The following LAMA5 variants were observed in gnomAD, a reference collection of about 807,000 sequenced individuals.
LAMA5 encodes laminin subunit alpha-5.
LAMA5 carries 260 observed loss-of-function variants against 433.4 expected under a neutral mutation model. The observed-to-expected ratio is 0.60, with a 90% CI of 0.54 to 0.66. The LOEUF (loss-of-function observed/expected upper bound fraction) is 0.66. LAMA5 is among the 30% of genes least tolerant of loss of function. The probability of loss-of-function intolerance (pLI) is 0.00; values close to 1 mark genes in which losing one functional copy is unlikely to be tolerated. For missense variants in LAMA5, 5,378 were observed against 5,258.5 expected, an observed-to-expected ratio of 1.02 and a Z score of -0.70; for synonymous variants, 2,620 against 2,226.6, an observed-to-expected ratio of 1.18 and a Z score of -4.97.
intron 45 of LAMA5, 45 bp from the exon 46 acceptor site, chr20:62,322,803 C>T: frequency 7.8e-7 from 1 of 1,280,118 alleles, no homozygotes; most frequent in Non-Finnish European, 1.0e-6. Flanking sequence ...CTCTCACCCC[C>T]CCAGGGAGCC....
At chr20:62,310,602 G>A in intron 75 of LAMA5, 30 bp from the exon 76 acceptor site, 3 of 1,576,392 alleles carry the variant, frequency 1.9e-6, no homozygotes, top group Non-Finnish European at 2.6e-6. Flanking sequence ...AGGGATCAGG[G>A]CCCAGGGCAG....
chr20:62,331,870 G>A (rs991353654), intron 28 of LAMA5, among the ~76,000 whole-genome samples: 2 of 152,158 alleles, frequency 1.3e-5, no homozygotes, highest in Admixed American at 6.5e-5. Flanking sequence ...TGGCCAATAT[G>A]GTGAAACCCT....
chr20:62,340,466 C>A lies in LAMA5; in HGVS notation c.1478-1858G>T, dbSNP rs549697773. Among the ~76,000 whole-genome samples the A allele has an allele frequency of 4.6e-5, 7 of 151,976 alleles. No homozygotes were observed. In the South Asian group the frequency reaches 1.5e-3, roughly 32 times the overall value. ...AGCTGGGATTACAGGCATGCGCCAC[C>A]ATGCACAGCTTATTTTGTATTTTTA... On this transcript the variant is annotated intron_variant, in intron 11 of 79. Transcript: ENST00000252999.
Position 62,333,083 on chromosome 20 carries a change from C to T in LAMA5, c.3282+7G>A, listed in dbSNP as rs747240109. ...CCCATTGCTCCGTGGGGTCCCAGGA[C>T]ACGCACATCACTGCCCGTGCAGGTG... On this transcript the variant is annotated splice_region_variant and intron_variant, in intron 26 of 79. Transcript: ENST00000252999. 2 of 1,496,798 alleles carry T rather than the reference C, an allele frequency of 1.3e-6. No homozygotes were observed. Among genetic ancestry groups the T allele is most frequent in the South Asian group, 1.4e-5 (1 of 72,652 alleles). 92.7% of individuals were successfully genotyped at this position (1,496,798 alleles called of 1,614,324 possible). A position where few individuals can be genotyped will look rare whatever the true frequency, so the allele number is the denominator to read the frequency against.
intron 57 of LAMA5, 71 bp downstream of exon 57, chr20:62,316,600 G>C: frequency 8.2e-7 from 1 of 1,217,702 alleles, no homozygotes; most frequent in Non-Finnish European, 1.1e-6. Flanking sequence ...GCATGTGGCT[G>C]GGGGCTGAGG....
chr20:62,314,308 C>T lies in LAMA5; in HGVS notation c.8500G>A (p.Asp2834Asn). 4 of 1,613,008 alleles carry T rather than the reference C, an allele frequency of 2.5e-6. No homozygotes were observed. The highest frequency in any genetic ancestry group is 3.4e-6 in the Non-Finnish European group (4 of 1,179,758). The change falls in exon 62 of 80, where the codon GAC becomes AAC. Residue 2834 changes from aspartate (D) to asparagine (N), a missense_variant. Physicochemically the swap from Asp to Asn is conservative, Grantham distance 23. Transcript: ENST00000252999. Reference protein sequence around the residue: ...IGEQFAAVSLDRTLQFGHMSV... With the variant: ...IGEQFAAVSLNRTLQFGHMSV... ...CCTCTCTCCTGGGCCTCCCACCTGT[C>T]CAGGCTGACAGCTGCGAACTGCTCC...
chr20:62,335,176 G>A (rs1319230847), intron 19 of LAMA5, 41 bp downstream of exon 19: 5 of 1,612,398 alleles, frequency 3.1e-6, no homozygotes, highest in Non-Finnish European at 4.2e-6. Context: ...GTCCTGACCA[G>A]TGTGCCCCCA....
chr20:62,344,828 G>T (rs1425118322), intron 11 of LAMA5, among the ~76,000 whole-genome samples: 2 of 151,960 alleles, frequency 1.3e-5, no homozygotes, highest in African/African-American at 4.8e-5. Flanking sequence ...ACCACTGGGG[G>T]TTGTTTAAAT....
At chr20:62,335,591 C>G (rs973039437) in intron 18 of LAMA5, among the ~76,000 whole-genome samples, 5 of 149,030 alleles carry the variant, frequency 3.4e-5, no homozygotes, top group African/African-American at 1.2e-4. Flanking sequence ...AACACTCCCT[C>G]CAGGACACCC....
At chr20:62,350,433 G>A (rs1020279269) in intron 6 of LAMA5, among the ~76,000 whole-genome samples, 74 of 152,230 alleles carry the variant, frequency 4.9e-4, no homozygotes, top group African/African-American at 1.5e-3. Flanking sequence ...AGCCACATCC[G>A]AAGGGGCCCA....
intron 40 of LAMA5, 185 bp downstream of exon 40, chr20:62,326,492 A>G: frequency 1.7e-6 from 1 of 577,872 alleles, no homozygotes. Context: ...GACACCCCCC[A>G]GGGTGACCAG....
At chr20:62,339,697 AAG>A (rs1177096279) in intron 11 of LAMA5, among the ~76,000 whole-genome samples, 2 of 151,998 alleles carry the variant, frequency 1.3e-5, no homozygotes, top group African/African-American at 2.4e-5. Flanking sequence ...AGAACACAGA[AAG>A]AGAGCTTGCA....
chr20:62,311,877 T>C (rs1601276636), intron 70 of LAMA5, 43 bp downstream of exon 70: 1 of 1,330,870 alleles, frequency 7.5e-7, no homozygotes, highest in East Asian at 4.5e-5. Flanking sequence ...CAGGCGGGCG[T>C]CCCTCCAGAC....
intron 53 of LAMA5, 70 bp from the exon 54 acceptor site, chr20:62,317,848 C>T: frequency 1.9e-6 from 1 of 518,354 alleles, no homozygotes; most frequent in Non-Finnish European, 2.8e-6. Context: ...ATGGGGTGGA[C>T]AGCAGGGCAG....
intron 58 of LAMA5, among the ~76,000 whole-genome samples, chr20:62,315,703 C>A (rs1363942096): frequency 6.6e-6 from 1 of 152,198 alleles, no homozygotes; most frequent in African/African-American, 2.4e-5. Context: ...ACAGCCCTCC[C>A]ACCTATAACT....
At chr20:62,312,804 G>A in intron 66 of LAMA5, 24 bp from the exon 67 acceptor site, 1 of 1,597,866 alleles carries the variant, frequency 6.3e-7, no homozygotes, top group South Asian at 1.1e-5. Flanking sequence ...GGGGGCTCCA[G>A]GGCCAGCTGT....
At chr20:62,319,126 G>T (rs1024402459) in intron 51 of LAMA5, 113 bp from the exon 52 acceptor site, 1 of 1,179,618 alleles carries the variant, frequency 8.5e-7, no homozygotes. Context: ...CCAGGGGCCC[G>T]GAACCTGAGC....
rs376081597 is a variant in LAMA5, at chr20:62,314,957, G to T, written c.8048-10C>A. On this transcript the variant is annotated splice_polypyrimidine_tract_variant and intron_variant, in intron 59 of 79. Transcript: ENST00000252999. ...TTCTCCAGGGTGGACACTGCAGAGA[G>T]GGAGACCTGAGACCTTTGCCCCCCA... 5.0e-6 allele frequency: 8 copies of T among 1,590,642 alleles called. No homozygotes were observed. The highest frequency in any genetic ancestry group is 1.7e-5 in the Admixed American group (1 of 59,228).
chr20:62,358,269 G>T (rs775884604), intron 2 of LAMA5, among the ~76,000 whole-genome samples: 1 of 152,158 alleles, frequency 6.6e-6, no homozygotes, highest in African/African-American at 2.4e-5. Flanking sequence ...GTAGAGGGAG[G>T]GTTTTGCCGT....
Sources: allele counts gnomAD v4.1 joint callset (sites outside exome capture counted in the v4.1 genomes callset), GRCh38; gene constraint gnomAD v4.1.1; transcripts MANE v1.5; gene names NCBI Gene and HGNC (gene_info 2026-07-23, HGNC 2026-07-21).